The following GABRB3 variants were observed in gnomAD, a reference collection of about 807,000 sequenced individuals.
GABRB3 encodes gamma-aminobutyric acid receptor subunit beta-3.
GABRB3 carries 14 observed loss-of-function variants against 52.1 expected under a neutral mutation model. The ratio of observed to expected loss-of-function variants is 0.27; its 90% CI spans 0.18 to 0.42. The LOEUF is 0.42. Ranked by LOEUF, GABRB3 falls within the 10% of genes least tolerant of loss-of-function variation. GABRB3 has a pLI of 1.00. For synonymous variants in GABRB3, 260 were observed against 232.3 expected, an observed-to-expected ratio of 1.12 and a Z score of -1.08; for missense variants, 307 against 609.1, an observed-to-expected ratio of 0.50 and a Z score of 5.22.
chr15:26,592,423 T>A (rs994282606), intron 4 of GABRB3, among the ~76,000 whole-genome samples: 2 of 152,198 alleles, frequency 1.3e-5, no homozygotes, highest in Non-Finnish European at 2.9e-5. Context: ...GAAGAAGAGA[T>A]GTTCTATGAA....
At chr15:26,646,100 G>A (rs368102660) in intron 3 of GABRB3, among the ~76,000 whole-genome samples, 8 of 152,134 alleles carry the variant, frequency 5.3e-5, no homozygotes, top group African/African-American at 1.7e-4. Flanking sequence ...GTTTTTAAGG[G>A]TACAATCGAA....
At chr15:26,740,314 C>T (rs1890168584) in intron 3 of GABRB3, among the ~76,000 whole-genome samples, 1 of 152,032 alleles carries the variant, frequency 6.6e-6, no homozygotes, top group African/African-American at 2.4e-5. Context: ...GGCTCAGGGG[C>T]CCAATGGGGT....
At chr15:26,741,653 G>C (rs943405155) in intron 3 of GABRB3, among the ~76,000 whole-genome samples, 2 of 152,122 alleles carry the variant, frequency 1.3e-5, no homozygotes, top group African/African-American at 4.8e-5. Flanking sequence ...CCGTCCCCCA[G>C]GCTGGAGTGC....
intron 3 of GABRB3, among the ~76,000 whole-genome samples, chr15:26,654,850 G>A (rs190246324): frequency 7.2e-5 from 11 of 151,860 alleles, no homozygotes; most frequent in Admixed American, 2.6e-4. Flanking sequence ...GCCTTTTTTG[G>A]AGACAGGGTC....
At chr15:26,567,922 G>T (rs1424710351) in intron 6 of GABRB3, among the ~76,000 whole-genome samples, 189 bp from the exon 7 acceptor site, 1 of 152,196 alleles carries the variant, frequency 6.6e-6, no homozygotes, top group African/African-American at 2.4e-5. Flanking sequence ...GTGCTTTTCG[G>T]TCTATTTATA....
intron 3 of GABRB3, among the ~76,000 whole-genome samples, chr15:26,724,662 T>G (rs112448282): frequency 6.6e-6 from 1 of 152,244 alleles, no homozygotes; most frequent in African/African-American, 2.4e-5. Flanking sequence ...AACTCCACCC[T>G]CAGATGATAA....
At chr15:26,562,436 A>T (rs1007445722) in intron 7 of GABRB3, among the ~76,000 whole-genome samples, 4 of 152,138 alleles carry the variant, frequency 2.6e-5, no homozygotes, top group Non-Finnish European at 5.9e-5. Flanking sequence ...CAAAGGAGAG[A>T]GCTTAACCAT....
In GABRB3 at chr15:26,621,266, C is replaced by T. The variant is rs750714790; in HGVS notation, c.461+48G>A. ...ATCATCTCAAGTGAGATATTCAACA[C>T]CCATGCACCATGCAACAGCAAAATT... is the stretch of plus-strand genomic sequence containing the variant. On this transcript the variant is annotated intron_variant, in intron 4 of 8. Coordinates refer to ENST00000311550, the MANE Select transcript of GABRB3 (RefSeq NM_000814.6). This position sits in a 1 kb window ranked among gnomAD's most constrained non-coding sequence, Gnocchi z 4.1. 2 of 1,378,272 alleles carry T rather than the reference C, an allele frequency of 1.5e-6. No homozygotes were observed. Among genetic ancestry groups the T allele is most frequent in the Admixed American group, 1.7e-5 (1 of 59,718 alleles). The allele number at this position is 1,378,272 out of a possible 1,614,324, so 85.4% of individuals were successfully genotyped here.
At chr15:26,652,113 C>A (rs1887216131) in intron 3 of GABRB3, among the ~76,000 whole-genome samples, 1 of 152,164 alleles carries the variant, frequency 6.6e-6, no homozygotes, top group African/African-American at 2.4e-5. Context: ...ACCCCCTTAT[C>A]TTAACTCAGG....
At chr15:26,624,048 G>C (rs1892586419) in intron 3 of GABRB3, among the ~76,000 whole-genome samples, 1 of 152,196 alleles carries the variant, frequency 6.6e-6, no homozygotes, top group Non-Finnish European at 1.5e-5. Flanking sequence ...GTGAGTTCAA[G>C]GGGTAGAAGG....
Position 26,762,768 on chromosome 15 carries a change from A to G in GABRB3, c.240+9634T>C, listed in dbSNP as rs555089054. ...ATTGTTTTAGTCCATGCCACAAGGA[A>G]TGACATCTCACAAGGAATGATTACA... On this transcript the variant is annotated intron_variant, in intron 3 of 8. Coordinates refer to ENST00000311550, the MANE Select transcript of GABRB3 (RefSeq NM_000814.6). Among the ~76,000 whole-genome samples the G allele has an allele frequency of 2.0e-5, 3 of 152,332 alleles. No homozygotes were observed. In the East Asian group the frequency reaches 5.8e-4, roughly 29 times the overall value.
intron 6 of GABRB3, among the ~76,000 whole-genome samples, chr15:26,574,387 G>T (rs1162389161): frequency 1.3e-5 from 2 of 151,942 alleles, no homozygotes; most frequent in African/African-American, 4.8e-5. Context: ...ATATGACCCA[G>T]GAATTCCACT....
chr15:26,568,596 C>T (rs1199941109), intron 6 of GABRB3, among the ~76,000 whole-genome samples: 1 of 149,196 alleles, frequency 6.7e-6, no homozygotes, highest in Non-Finnish European at 1.5e-5. Flanking sequence ...CTCCCTGGTT[C>T]AGGCGATTCT....
At chr15:26,609,270 G>A (rs1420236358) in intron 4 of GABRB3, among the ~76,000 whole-genome samples, 1 of 151,964 alleles carries the variant, frequency 6.6e-6, no homozygotes, top group African/African-American at 2.4e-5. Context: ...ACTTGTTTGT[G>A]GGATCTACAG....
chr15:26,718,038 A>C (rs570293477), intron 3 of GABRB3, among the ~76,000 whole-genome samples: 45 of 152,316 alleles, frequency 3.0e-4, no homozygotes, highest in African/African-American at 1.1e-3. Context: ...ACAACCAAAA[A>C]AAATGTCATA....
At position 26,554,161 on chromosome 15, in the gene GABRB3, G is replaced by GTATATA. The variant is rs576382653; in HGVS notation, c.1081-6033_1081-6028dup. Among the ~76,000 whole-genome samples the GTATATA allele has an allele frequency of 3.8e-3, 80 of 21,190 alleles. 2 individuals are homozygous for GTATATA. The highest frequency in any genetic ancestry group is 0.017 in the South Asian group (6 of 362). The allele number at this position is 21,190 out of a possible 152,430, so 13.9% of individuals were successfully genotyped here. ...TATATAAAGTATATATATATATAAA[G>GTATATA]TATATATATATAAAGTATATATATA... On this transcript the variant is annotated intron_variant, in intron 8 of 8. Coordinates refer to ENST00000311550, the MANE Select transcript of GABRB3 (RefSeq NM_000814.6).
intron 3 of GABRB3, among the ~76,000 whole-genome samples, chr15:26,707,915 G>C (rs1474951775): frequency 6.6e-6 from 1 of 152,170 alleles, no homozygotes; most frequent in African/African-American, 2.4e-5. Flanking sequence ...AAGTGTTTCA[G>C]ATTTCAAATT....
At chr15:26,693,476 G>A (rs1666039214) in intron 3 of GABRB3, among the ~76,000 whole-genome samples, 1 of 151,966 alleles carries the variant, frequency 6.6e-6, no homozygotes, top group Non-Finnish European at 1.5e-5. Flanking sequence ...CACCAGAGCG[G>A]TATTTCCACC....
At chr15:26,726,622 A>C (rs762724225) in intron 3 of GABRB3, among the ~76,000 whole-genome samples, 2 of 152,158 alleles carry the variant, frequency 1.3e-5, no homozygotes, top group Non-Finnish European at 2.9e-5. Flanking sequence ...CTCGTGATTC[A>C]ATTCAAGTTA....
Sources: gnomAD v4.1 joint callset for allele counts (sites outside exome capture counted in the v4.1 genomes callset) on GRCh38, gnomAD v4.1.1 for gene constraint, Gnocchi (gnomAD v3.1) non-coding constraint, MANE v1.5 for transcripts, NCBI Gene and HGNC (gene_info 2026-07-23, HGNC 2026-07-21) for gene names.